The following SPATA13 variants were observed in gnomAD, a reference collection of about 807,000 sequenced individuals.
The protein encoded by SPATA13 is spermatogenesis associated 13.
A neutral mutation model predicts 104.0 loss-of-function variants in SPATA13; 50 were observed. The ratio of observed to expected loss-of-function variants is 0.48; its 90% confidence interval spans 0.38 to 0.61. The LOEUF (loss-of-function observed/expected upper bound fraction) is 0.61, where lower values mean the gene tolerates loss of function less well. Ranked by LOEUF, SPATA13 falls within the 20% of genes least tolerant of loss-of-function variation. The probability of loss-of-function intolerance (pLI) is 0.00; values close to 1 mark genes in which losing one functional copy is unlikely to be tolerated. For missense variants in SPATA13, 1,524 were observed against 1,690.6 expected, an observed-to-expected ratio of 0.90 and a Z score of 1.73; for synonymous variants, 606 against 667.5, an observed-to-expected ratio of 0.91 and a Z score of 1.42.
At chr13:24,064,834 G>C (rs1004614218) in intron 3 of SPATA13, among the ~76,000 whole-genome samples, 1 of 152,108 alleles carries the variant, frequency 6.6e-6, no homozygotes, top group Admixed American at 6.5e-5. Flanking sequence ...CTTCACCTGT[G>C]GGGTAGGTAT....
intron 4 of SPATA13, among the ~76,000 whole-genome samples, chr13:24,260,156 G>A (rs769049419): frequency 1.3e-5 from 2 of 152,214 alleles, no homozygotes; most frequent in African/African-American, 2.4e-5. Context: ...CGGGGAGCAT[G>A]TCAGTCGGAT....
chr13:24,123,445 G>C (rs1881106584), intron 3 of SPATA13: 1 of 1,473,752 alleles, frequency 6.8e-7, no homozygotes, highest in Non-Finnish European at 9.5e-7. Context: ...CATTCCATCT[G>C]ATCGTTATAG....
At chr13:24,232,649 C>G (rs1213167691) in intron 2 of SPATA13, among the ~76,000 whole-genome samples, 1 of 152,194 alleles carries the variant, frequency 6.6e-6, no homozygotes, top group East Asian at 1.9e-4. Context: ...TCAAGCAATC[C>G]TCCTGCCTCA....
intron 2 of SPATA13, among the ~76,000 whole-genome samples, chr13:24,240,393 C>T (rs1872774218): frequency 6.6e-6 from 1 of 152,058 alleles, no homozygotes; most frequent in African/African-American, 2.4e-5. Context: ...ACGGAACCCC[C>T]TTGAACAATT....
chr13:24,074,795 G>C (rs1186688999), intron 3 of SPATA13, among the ~76,000 whole-genome samples: 1 of 152,212 alleles, frequency 6.6e-6, no homozygotes, highest in Non-Finnish European at 1.5e-5. Context: ...TAGCCAGCCA[G>C]AATAGGTTTG....
chr13:24,111,433 A>G (rs1407236467), intron 3 of SPATA13, among the ~76,000 whole-genome samples: 1 of 150,020 alleles, frequency 6.7e-6, no homozygotes, highest in Non-Finnish European at 1.5e-5. Context: ...CCAGAAACAG[A>G]GTCTTGCTCT....
At chr13:24,195,243 A>C (rs1309763627) in intron 1 of SPATA13, among the ~76,000 whole-genome samples, 3 of 151,122 alleles carry the variant, frequency 2.0e-5, no homozygotes, top group African/African-American at 7.4e-5. Flanking sequence ...TACTTAGATA[A>C]TATTTTCAGT....
chr13:24,106,705 C>CA (rs1593333258), intron 3 of SPATA13, among the ~76,000 whole-genome samples: 1 of 152,306 alleles, frequency 6.6e-6, no homozygotes, highest in East Asian at 1.9e-4. Context: ...GCAAACTTAA[C>CA]AAACAAGTTC....
chr13:24,054,161 C>T (rs1401541655), intron 3 of SPATA13, among the ~76,000 whole-genome samples: 1 of 152,068 alleles, frequency 6.6e-6, no homozygotes, highest in Non-Finnish European at 1.5e-5. Flanking sequence ...ATGAGAGATC[C>T]CTCGTCTGCC....
chr13:24,288,794 C>T lies in SPATA13; in HGVS notation c.2668-205C>T, dbSNP rs555366876. Among the ~76,000 whole-genome samples the T allele has an allele frequency of 4.6e-5, 7 of 152,282 alleles. No homozygotes were observed. The East Asian group carries it at 9.6e-4, about 21-fold the overall frequency. ...TGGTTTATTGGATCCTAAATCCAAC[C>T]GCATGAGCCTTTTTGCTTTCTTTTT... On this transcript the variant is annotated intron_variant, in intron 7 of 12. Transcript: ENST00000382108.
intron 2 of SPATA13, 93 bp from the exon 3 acceptor site, chr13:24,249,384 C>A: frequency 7.1e-7 from 1 of 1,406,918 alleles, no homozygotes; most frequent in Non-Finnish European, 9.4e-7. Flanking sequence ...AAACCCGAGG[C>A]ACGGCTGTGG....
At chr13:24,013,204 A>C (rs892743303) in intron 2 of SPATA13, among the ~76,000 whole-genome samples, 1 of 152,098 alleles carries the variant, frequency 6.6e-6, no homozygotes, top group Non-Finnish European at 1.5e-5. Context: ...CGCGTGCTGC[A>C]CTGTTTCATG....
intron 1 of SPATA13, among the ~76,000 whole-genome samples, chr13:24,217,890 C>T (rs866497630): frequency 1.3e-5 from 2 of 152,272 alleles, no homozygotes; most frequent in African/African-American, 2.4e-5. Flanking sequence ...CCTCAAGTCA[C>T]CTCCCACCAC....
intron 3 of SPATA13, among the ~76,000 whole-genome samples, chr13:24,115,575 C>G (rs2137818159): frequency 6.6e-6 from 1 of 152,384 alleles, no homozygotes; most frequent in South Asian, 2.1e-4. Context: ...CCATCTCTCT[C>G]CCTTCATGTC....
rs566954774 is a variant in SPATA13, at chr13:24,249,964, C to CT, written c.2019+124dup. ...CCGTTCTCAAGGGCGGCACCATGTA[C>CT]TTAACCACCTTTTCTTCCTGACTGT... On this transcript the variant is annotated intron_variant, in intron 3 of 12. Coordinates refer to ENST00000382108, the MANE Select transcript of SPATA13 (RefSeq NM_001166271.3). 8.8e-4 allele frequency: 1,123 copies of CT among 1,282,686 alleles called. 11 individuals are homozygous for CT. The African/African-American group carries it at 0.015, about 17-fold the overall frequency. 79.5% of individuals were successfully genotyped at this position (1,282,686 alleles called of 1,614,324 possible). A position where few individuals can be genotyped will look rare whatever the true frequency, so the allele number is the denominator to read the frequency against.
intron 2 of SPATA13, among the ~76,000 whole-genome samples, chr13:24,231,053 TG>T (rs1566163506): frequency 1.3e-5 from 2 of 152,290 alleles, no homozygotes; most frequent in East Asian, 3.9e-4. Context: ...AAAGAACACT[TG>T]GCTCCCCCCA....
At chr13:24,074,590 G>A (rs900457565) in intron 3 of SPATA13, among the ~76,000 whole-genome samples, 5 of 152,058 alleles carry the variant, frequency 3.3e-5, no homozygotes, top group Non-Finnish European at 5.9e-5. Context: ...AATCCTGTGA[G>A]TTAGGAGTTA....
chr13:24,057,078 A>T (rs7992375), intron 3 of SPATA13, among the ~76,000 whole-genome samples: 142,079 of 144,388 alleles, frequency 0.98, 69,934 homozygotes, highest in Non-Finnish European at 1. Context: ...TTCTTTTTTT[A>T]AAAAATTTTA....
intron 3 of SPATA13, chr13:24,122,074 C>G (rs1049098403): frequency 6.3e-7 from 1 of 1,591,578 alleles, no homozygotes; most frequent in African/African-American, 1.3e-5. Context: ...CTCAATTCAT[C>G]CCTGGTGCTG....
Sources: allele counts gnomAD v4.1 joint callset (sites outside exome capture counted in the v4.1 genomes callset), GRCh38; gene constraint gnomAD v4.1.1; transcripts MANE v1.5; gene names NCBI Gene and HGNC (gene_info 2026-07-23, HGNC 2026-07-21).